RASEF: variants seen among roughly 807,000 people sequenced by gnomAD.
RASEF encodes ras and EF-hand domain-containing protein.
Under a neutral mutation model 90.1 loss-of-function variants are expected in RASEF, and 68 were observed. The observed-to-expected ratio is 0.75, with a 90% confidence interval of 0.62 to 0.92. The LOEUF is 0.92. Among genes scored for constraint, RASEF ranks in the 40% least tolerant of loss-of-function variants. The pLI is 0.00. For missense variants in RASEF, 949 were observed against 937.2 expected, an observed-to-expected ratio of 1.01 and a Z score of -0.16; for synonymous variants, 331 against 345.2, an observed-to-expected ratio of 0.96 and a Z score of 0.46.
chr9:83,117,652 A>T, the RASEF span, among the ~76,000 whole-genome samples: 1 of 152,238 alleles, frequency 6.6e-6, no homozygotes, highest in Non-Finnish European at 1.5e-5. Context: ...CTGTATGTGT[A>T]GAGTGACTTC....
chr9:83,087,342 T>C, the RASEF span, among the ~76,000 whole-genome samples: 1 of 151,578 alleles, frequency 6.6e-6, no homozygotes. Flanking sequence ...GCCTTCATGA[T>C]GGGAGTAGTG....
chr9:83,110,455 C>G, the RASEF span, among the ~76,000 whole-genome samples: 2 of 152,172 alleles, frequency 1.3e-5, no homozygotes, highest in African/African-American at 4.8e-5. Context: ...TTGCCAAGAG[C>G]TGGCAAACCT....
chr9:83,039,761 C>T (rs181786545), intron 1 of RASEF, among the ~76,000 whole-genome samples: 47 of 152,244 alleles, frequency 3.1e-4, no homozygotes, highest in Non-Finnish European at 5.9e-4. Flanking sequence ...AATGGGGATG[C>T]GCCCACTATT....
At chr9:82,995,007 C>G (rs1320884598) in intron 14 of RASEF, among the ~76,000 whole-genome samples, 1 of 152,230 alleles carries the variant, frequency 6.6e-6, no homozygotes, top group Non-Finnish European at 1.5e-5. Context: ...AGAAACTTCA[C>G]TGTGCTCATT....
the RASEF span, among the ~76,000 whole-genome samples, chr9:83,204,469 C>T: frequency 6.6e-6 from 1 of 152,132 alleles, no homozygotes; most frequent in Non-Finnish European, 1.5e-5. Flanking sequence ...CCTACAAGGA[C>T]AAAAGATTTC....
chr9:83,059,469 G>A (rs968810004), intron 1 of RASEF, among the ~76,000 whole-genome samples: 1 of 151,650 alleles, frequency 6.6e-6, no homozygotes, highest in African/African-American at 2.4e-5. Flanking sequence ...AAGAATCAAA[G>A]AATACTGATT....
At chr9:83,218,915 CA>C in the RASEF span, among the ~76,000 whole-genome samples, 1 of 152,140 alleles carries the variant, frequency 6.6e-6, no homozygotes, top group Non-Finnish European at 1.5e-5. Context: ...GAGGACCGTG[CA>C]AAGGCAAATT....
chr9:83,080,238 AG>A, the RASEF span, among the ~76,000 whole-genome samples: 2 of 152,230 alleles, frequency 1.3e-5, no homozygotes, highest in Non-Finnish European at 1.5e-5. Context: ...GATAGAAATG[AG>A]GGGAAGTAGA....
chr9:83,117,027 C>A, the RASEF span, among the ~76,000 whole-genome samples: 11 of 152,176 alleles, frequency 7.2e-5, no homozygotes, highest in African/African-American at 2.7e-4. Flanking sequence ...CAACTTACTT[C>A]TATGCCTTAT....
In RASEF at chr9:82,980,199, C is replaced by G. The variant is rs559820189; in HGVS notation, c.*2478G>C. ...AAAACAGGGACAAGGTGAATAACTT[C>G]CATAGTAATATGCAAATGTATCAAG... is the stretch of plus-strand genomic sequence containing the variant. On this transcript the variant is annotated 3_prime_UTR_variant, in exon 17 of 17. Transcript: ENST00000376447. 6.7e-6 allele frequency: 1 copy of G among 148,448 alleles called. No homozygotes were observed. Among genetic ancestry groups the G allele is most frequent in the East Asian group, 2.1e-4 (1 of 4,860 alleles). The allele number at this position is 148,448 out of a possible 1,614,324, so 9.2% of individuals were successfully genotyped here.
chr9:83,093,300 C>T, the RASEF span, among the ~76,000 whole-genome samples: 5 of 152,242 alleles, frequency 3.3e-5, no homozygotes, highest in African/African-American at 1.2e-4. Flanking sequence ...TGTGCTCACA[C>T]TGCTCAGCCC....
At chr9:83,083,959 T>A in the RASEF span, among the ~76,000 whole-genome samples, 1 of 152,178 alleles carries the variant, frequency 6.6e-6, no homozygotes, top group African/African-American at 2.4e-5. Flanking sequence ...TTATTTTTAC[T>A]AACTAGAATT....
At chr9:83,183,923 G>A in the RASEF span, among the ~76,000 whole-genome samples, 3 of 152,266 alleles carry the variant, frequency 2.0e-5, no homozygotes, top group South Asian at 6.2e-4. Flanking sequence ...TCACCTGGAG[G>A]GTTTGTTAAA....
chr9:83,030,459 T>A (rs1342591252), intron 1 of RASEF, among the ~76,000 whole-genome samples: 3 of 152,200 alleles, frequency 2.0e-5, no homozygotes, highest in Non-Finnish European at 2.9e-5. Flanking sequence ...TCCCTCACTT[T>A]TTGCAAATTT....
At chr9:83,035,293 G>C (rs1184478612) in intron 1 of RASEF, among the ~76,000 whole-genome samples, 1 of 152,160 alleles carries the variant, frequency 6.6e-6, no homozygotes, top group African/African-American at 2.4e-5. Flanking sequence ...ATGCATAAAT[G>C]AATAAGTTTG....
At chr9:83,064,929 G>A (rs574453837), upstream of RASEF, among the ~76,000 whole-genome samples, 6 of 152,236 alleles carry the variant, frequency 3.9e-5, no homozygotes, top group African/African-American at 9.6e-5. Context: ...TTAGCTGGGC[G>A]TGGTGGCGGG....
chr9:83,121,733 C>T, the RASEF span, among the ~76,000 whole-genome samples: 4 of 152,180 alleles, frequency 2.6e-5, no homozygotes, highest in Admixed American at 6.5e-5. Context: ...AGAGAGCTGA[C>T]GCTACAAAAA....
rs770242529 is a variant in RASEF, at chr9:83,062,579, G to A, written c.289C>T (p.Pro97Ser). 40 of 1,584,996 alleles carry A rather than the reference G, an allele frequency of 2.5e-5. No homozygotes were observed. Among genetic ancestry groups the A allele is most frequent in the Non-Finnish European group, 3.3e-5 (38 of 1,165,844 alleles). The change falls in exon 1 of 17, where the codon CCG becomes TCG. Residue 97 changes from proline (P) to serine (S), a missense_variant. This residue lies in a region of RASEF where 656 missense variants were observed against 592.2 expected (regional missense o/e 1.11). Coordinates refer to ENST00000376447, the MANE Select transcript of RASEF (RefSeq NM_152573.4). Reference protein sequence around the residue: ...DPAPAVSEAGPETHDSEEDEG... With the variant: ...DPAPAVSEAGSETHDSEEDEG... The stretch of plus-strand genomic sequence containing the variant: ...TCCTCCTCGCTGTCGTGTGTCTCCG[G>A]CCCCGCCTCAGACACGGCGGGCGCG...
rs375947730 is a variant in RASEF, at chr9:83,005,472, T to C, written c.1057A>G (p.Asn353Asp). The change falls in exon 8 of 17, where the codon AAT becomes GAT. Residue 353 changes from asparagine (N) to aspartate (D), a missense_variant. By Grantham distance (23) the Asn-to-Asp change is conservative. Coordinates refer to ENST00000376447, the MANE Select transcript of RASEF (RefSeq NM_152573.4). ...QTANRKLHDS[N>D]DGLRSALENS... The stretch of plus-strand genomic sequence containing the variant: ...TCAAGGGCACTTCTAAGGCCATCAT[T>C]ACTGTCATGTAGCTTCCGGTTAGCT... 1.2e-6 allele frequency: 2 copies of C among 1,614,034 alleles called. No homozygotes were observed. Among genetic ancestry groups the C allele is most frequent in the Admixed American group, 3.3e-5 (2 of 60,022 alleles).
Sources: allele counts gnomAD v4.1 joint callset (sites outside exome capture counted in the v4.1 genomes callset), GRCh38; gene constraint gnomAD v4.1.1; regional missense constraint gnomAD v4.1.1; transcripts MANE v1.5; gene names NCBI Gene and HGNC (gene_info 2026-07-23, HGNC 2026-07-21).